RABGAP1: variants seen among roughly 807,000 people sequenced by gnomAD.
The protein encoded by RABGAP1 is rab GTPase-activating protein 1.
Under a neutral mutation model 137.6 loss-of-function variants are expected in RABGAP1, and 23 were observed. The observed-to-expected ratio is 0.17, with a 90% CI of 0.12 to 0.24. RABGAP1 has a LOEUF of 0.24. Among genes scored for constraint, RABGAP1 ranks in the 10% least tolerant of loss-of-function variants. RABGAP1 has a pLI of 1.00. For missense variants in RABGAP1, 906 were observed against 1,275.8 expected (o/e 0.71, Z 4.42); for synonymous variants, 451 against 450.7 (o/e 1.00, Z -0.01).
chr9:123,014,202 A>G (rs1385707263), intron 11 of RABGAP1, among the ~76,000 whole-genome samples: 1 of 152,172 alleles, frequency 6.6e-6, no homozygotes, highest in Non-Finnish European at 1.5e-5. Flanking sequence ...CTCTGCTTTT[A>G]TTATGCTTTT....
intron 19 of RABGAP1, among the ~76,000 whole-genome samples, chr9:123,078,198 T>G (rs1304431269): frequency 1.3e-5 from 2 of 152,026 alleles, no homozygotes; most frequent in African/African-American, 4.8e-5. Context: ...AACTACCTAT[T>G]AGCCTGAGAA....
At chr9:122,959,478 T>C (rs901256588) in intron 2 of RABGAP1, among the ~76,000 whole-genome samples, 2 of 152,064 alleles carry the variant, frequency 1.3e-5, no homozygotes, top group Admixed American at 6.5e-5. Context: ...GATGACAGCA[T>C]GTTCTACTCC....
intron 6 of RABGAP1, among the ~76,000 whole-genome samples, chr9:122,991,744 G>A (rs919756067): frequency 2.6e-5 from 4 of 151,142 alleles, no homozygotes; most frequent in Non-Finnish European, 5.9e-5. Flanking sequence ...CTGGGACCAC[G>A]GATGCATGCC....
chr9:122,944,728 A>G (rs1463025777), intron 1 of RABGAP1, among the ~76,000 whole-genome samples: 2 of 147,206 alleles, frequency 1.4e-5, no homozygotes, highest in Non-Finnish European at 3.0e-5. Context: ...GCACCACCAC[A>G]CCCAGATAAT....
At chr9:122,992,362 T>G (rs576161193) in intron 6 of RABGAP1, among the ~76,000 whole-genome samples, 2 of 152,284 alleles carry the variant, frequency 1.3e-5, no homozygotes, top group Admixed American at 1.3e-4. Flanking sequence ...TGAAAATATT[T>G]ATGTAGTTTT....
chr9:122,990,840 C>A, intron 6 of RABGAP1: 2 of 84,176 alleles, frequency 2.4e-5, no homozygotes, highest in African/African-American at 4.4e-5. Context: ...TATATATGGC[C>A]AAAGCTTAGT....
chr9:122,939,382 G>A (rs1404770323), upstream of RABGAP1: 1 of 151,852 alleles, frequency 6.6e-6, no homozygotes, highest in Non-Finnish European at 1.5e-5. Context: ...ATGTTGCCCA[G>A]GCTGGTCTCG....
intron 13 of RABGAP1, among the ~76,000 whole-genome samples, chr9:123,048,630 TCA>T (rs1466175849): frequency 6.6e-6 from 1 of 152,254 alleles, no homozygotes; most frequent in Non-Finnish European, 1.5e-5. Context: ...TGGAAGTTCA[TCA>T]CAGTTATCAG....
At chr9:123,099,592 C>T (rs778266588) in intron 24 of RABGAP1, 43 bp downstream of exon 24, 3 of 1,516,908 alleles carry the variant, frequency 2.0e-6, no homozygotes, top group Non-Finnish European at 1.8e-6. Flanking sequence ...CCACCTACTT[C>T]ATTTTATGGC....
chr9:123,097,306 C>T (rs1242722006), intron 21 of RABGAP1, among the ~76,000 whole-genome samples: 2 of 152,184 alleles, frequency 1.3e-5, no homozygotes, highest in Non-Finnish European at 2.9e-5. Context: ...TTGGATGAAG[C>T]AGAGGAAACA....
chr9:122,970,624 C>G (rs1835420739), intron 2 of RABGAP1, among the ~76,000 whole-genome samples: 1 of 152,122 alleles, frequency 6.6e-6, no homozygotes, highest in Admixed American at 6.6e-5. Flanking sequence ...CCTTCCTACC[C>G]TCTGTTGCAG....
intron 3 of RABGAP1, 143 bp downstream of exon 3, chr9:122,984,862 C>T (rs1836283952): frequency 1.4e-6 from 1 of 737,802 alleles, no homozygotes; most frequent in East Asian, 2.7e-5. Context: ...TCTCTGAATT[C>T]TAAATCTAAG....
chr9:122,950,107 G>A (rs1323872796), intron 1 of RABGAP1, among the ~76,000 whole-genome samples: 1 of 152,180 alleles, frequency 6.6e-6, no homozygotes, highest in Non-Finnish European at 1.5e-5. Context: ...GAGGAAAGGG[G>A]AGGTATGGGA....
chr9:123,046,544 G>C, intron 13 of RABGAP1, among the ~76,000 whole-genome samples: 1 of 152,130 alleles, frequency 6.6e-6, no homozygotes, highest in Admixed American at 6.6e-5. Context: ...GTACATAATC[G>C]TTCTAAGTCT....
intron 10 of RABGAP1, among the ~76,000 whole-genome samples, chr9:123,006,411 C>CT (rs2030267440): frequency 6.6e-6 from 1 of 152,050 alleles, no homozygotes; most frequent in Non-Finnish European, 1.5e-5. Flanking sequence ...TTGATTTAAT[C>CT]TTTTTCCAAA....
chr9:122,988,541 T>TC (rs1161631765), intron 4 of RABGAP1, among the ~76,000 whole-genome samples: 1 of 151,792 alleles, frequency 6.6e-6, no homozygotes, highest in Non-Finnish European at 1.5e-5. Context: ...ATAATTTCTG[T>TC]CCTTATTTTC....
chr9:123,069,217 A>G (rs147285299), intron 14 of RABGAP1, among the ~76,000 whole-genome samples: 252 of 152,338 alleles, frequency 1.7e-3, no homozygotes, highest in Middle Eastern at 3.4e-3. Context: ...GGAACCCACA[A>G]ATGGTTTCAG....
the RABGAP1 span, among the ~76,000 whole-genome samples, chr9:122,935,025 C>T: frequency 6.6e-6 from 1 of 152,238 alleles, no homozygotes. Flanking sequence ...TTATATCTGT[C>T]ACTTCTCTAT....
At chr9:122,939,578 T>C (rs1833456671), upstream of RABGAP1, 1 of 152,210 alleles carries the variant, frequency 6.6e-6, no homozygotes, top group Admixed American at 6.5e-5. Flanking sequence ...TGTAGTACAA[T>C]TTTATTTAAA....
Sources: allele counts gnomAD v4.1 joint callset (sites outside exome capture counted in the v4.1 genomes callset), GRCh38; gene constraint gnomAD v4.1.1; transcripts MANE v1.5; gene names NCBI Gene and HGNC (gene_info 2026-07-23, HGNC 2026-07-21).